SPECC1: variants seen among roughly 807,000 people sequenced by gnomAD.
SPECC1 encodes sperm antigen with calponin homology and coiled-coil domains 1.
In SPECC1, 62 loss-of-function variants were observed where a neutral mutation model predicts 104.1. The ratio of observed to expected loss-of-function variants is 0.60; its 90% CI spans 0.49 to 0.74. The LOEUF (loss-of-function observed/expected upper bound fraction) is 0.74. SPECC1 is among the 30% of genes least tolerant of loss of function. The probability of loss-of-function intolerance (pLI) is 0.00; values close to 1 mark genes in which losing one functional copy is unlikely to be tolerated. For synonymous variants in SPECC1, 513 were observed against 501.6 expected, an observed-to-expected ratio of 1.02 and a Z score of -0.30; for missense variants, 1,306 against 1,310.5, an observed-to-expected ratio of 1.00 and a Z score of 0.05.
intron 1 of SPECC1, among the ~76,000 whole-genome samples, chr17:20,092,965 G>T (rs1478126088): frequency 6.6e-6 from 1 of 152,156 alleles, no homozygotes; most frequent in Non-Finnish European, 1.5e-5. Context: ...AGGTGTGTAG[G>T]TTTTGGAACC....
chr17:20,094,704 T>G (rs7208365), intron 1 of SPECC1, among the ~76,000 whole-genome samples: 75,654 of 151,678 alleles, frequency 0.5, 19,436 homozygotes, highest in Middle Eastern at 0.6. Flanking sequence ...TAGAGAGAGG[T>G]TTTCACTCTG....
chr17:20,235,744 A>G (rs1368302290), intron 7 of SPECC1, among the ~76,000 whole-genome samples: 3 of 152,236 alleles, frequency 2.0e-5, no homozygotes, highest in Non-Finnish European at 4.4e-5. Context: ...TCCATGGAAA[A>G]CGTCTTTAAA....
intron 7 of SPECC1, among the ~76,000 whole-genome samples, chr17:20,239,580 T>C (rs1357257670): frequency 2.0e-5 from 3 of 152,250 alleles, no homozygotes; most frequent in African/African-American, 7.2e-5. Context: ...AACAAGGTTA[T>C]AATTTTTTTT....
chr17:20,085,450 T>G (rs1417438597), intron 1 of SPECC1, among the ~76,000 whole-genome samples: 1 of 152,218 alleles, frequency 6.6e-6, no homozygotes, highest in South Asian at 2.1e-4. Context: ...CTTGTAGACT[T>G]ACTCCTGTGC....
intron 3 of SPECC1, among the ~76,000 whole-genome samples, chr17:20,167,337 C>T (rs1422509451): frequency 6.6e-6 from 1 of 151,664 alleles, no homozygotes; most frequent in African/African-American, 2.4e-5. Context: ...AGAAATGAAA[C>T]ACTTGGACAG....
In SPECC1 at chr17:20,247,211, C is replaced by T; in HGVS notation, c.2498-8C>T. 1.2e-6 allele frequency: 2 copies of T among 1,601,792 alleles called. No individual in the cohort carries two copies. Among genetic ancestry groups the T allele is most frequent in the Non-Finnish European group, 1.7e-6 (2 of 1,173,904 alleles). ...ACATATAAATGTTCCCATGTTTTTT[C>T]TTGGCAGGTGGAGCTGGACAGAATA... On this transcript the variant is annotated splice_polypyrimidine_tract_variant and splice_region_variant and intron_variant, in intron 8 of 14. Coordinates refer to ENST00000395527, the MANE Select transcript of SPECC1 (RefSeq NM_001243439.2).
At chr17:20,031,571 A>G (rs1202094573) in intron 1 of SPECC1, among the ~76,000 whole-genome samples, 2 of 152,178 alleles carry the variant, frequency 1.3e-5, no homozygotes, top group Non-Finnish European at 2.9e-5. Flanking sequence ...GTATATTTGT[A>G]TTGTTGTACC....
chr17:20,015,179 T>C (rs2044070222), intron 1 of SPECC1, among the ~76,000 whole-genome samples: 1 of 152,244 alleles, frequency 6.6e-6, no homozygotes, highest in South Asian at 2.1e-4. Context: ...TCCTTGCCTC[T>C]ATTCTATTTT....
intron 7 of SPECC1, chr17:20,237,199 T>C: frequency 7.8e-7 from 1 of 1,285,382 alleles, no homozygotes; most frequent in Admixed American, 3.4e-5. Flanking sequence ...TTATGAAAAG[T>C]TATTTGCAGC....
intron 1 of SPECC1, 23 bp from the exon 2 acceptor site, chr17:20,096,608 T>C (rs2047656234): frequency 6.3e-7 from 1 of 1,581,434 alleles, no homozygotes. Flanking sequence ...GGAGACATGT[T>C]TTTCTTTTCT....
intron 2 of SPECC1, among the ~76,000 whole-genome samples, chr17:20,108,738 T>G (rs1041025163): frequency 6.6e-6 from 1 of 152,212 alleles, no homozygotes; most frequent in Non-Finnish European, 1.5e-5. Flanking sequence ...GTTCTAGTTT[T>G]GGGCTGCTAT....
chr17:20,240,362 G>T (rs765896929), intron 7 of SPECC1, among the ~76,000 whole-genome samples: 2 of 151,780 alleles, frequency 1.3e-5, no homozygotes, highest in African/African-American at 2.4e-5. Context: ...TAGGGATACG[G>T]TTGTATCCCC....
At position 20,144,175 on chromosome 17, in the gene SPECC1, C is replaced by CTTTTTT. The variant is rs1168474738; in HGVS notation, c.283+33635_283+33640dup. 6.8e-4 allele frequency among the ~76,000 whole-genome samples: 64 copies of CTTTTTT among 94,374 alleles called. 3 individuals are homozygous for CTTTTTT. Among genetic ancestry groups the CTTTTTT allele is most frequent in the East Asian group, 3.7e-3 (9 of 2,406 alleles). 61.9% of individuals were successfully genotyped at this position (94,374 alleles called of 152,430 possible). A position where few individuals can be genotyped will look rare whatever the true frequency, so the allele number is the denominator to read the frequency against. The stretch of plus-strand genomic sequence containing the variant: ...TTATTTAATACTGTTTTTTTCTTTT[C>CTTTTTT]TTTTTTTTTTTTTTTTTTTTTTTTT... On this transcript the variant is annotated intron_variant, in intron 3 of 14. Coordinates refer to ENST00000395527, the MANE Select transcript of SPECC1 (RefSeq NM_001243439.2).
chr17:20,069,043 A>T (rs951097794), intron 1 of SPECC1, among the ~76,000 whole-genome samples: 1 of 152,164 alleles, frequency 6.6e-6, no homozygotes, highest in Non-Finnish European at 1.5e-5. Flanking sequence ...GGGGTTTGTT[A>T]TACAGATTAT....
intron 3 of SPECC1, among the ~76,000 whole-genome samples, chr17:20,175,449 T>C (rs1400297627): frequency 1.3e-5 from 2 of 152,238 alleles, no homozygotes; most frequent in East Asian, 1.9e-4. Context: ...TTTCCTGTTA[T>C]ACTTGTATTG....
intron 1 of SPECC1, among the ~76,000 whole-genome samples, chr17:20,075,404 A>G (rs190521594): frequency 3.4e-3 from 523 of 152,298 alleles, no homozygotes; most frequent in African/African-American, 0.012. Flanking sequence ...TGGGAACTCA[A>G]GTCTGTCTCA....
chr17:20,198,498 C>T (rs1400634452), intron 3 of SPECC1, among the ~76,000 whole-genome samples: 1 of 152,238 alleles, frequency 6.6e-6, no homozygotes, highest in Admixed American at 6.5e-5. Context: ...AAAAGTTCCC[C>T]ATGTCCCATA....
At chr17:20,087,434 T>A (rs933371964) in intron 1 of SPECC1, among the ~76,000 whole-genome samples, 3 of 152,318 alleles carry the variant, frequency 2.0e-5, no homozygotes, top group Admixed American at 6.5e-5. Flanking sequence ...CTTTATTATT[T>A]TTTTTCAACC....
intron 2 of SPECC1, among the ~76,000 whole-genome samples, chr17:20,106,777 A>G (rs939064560): frequency 1.1e-4 from 16 of 152,204 alleles, no homozygotes; most frequent in Non-Finnish European, 1.5e-4. Flanking sequence ...TAAATTACCC[A>G]GTCTTGGGTA....
Sources: allele counts gnomAD v4.1 joint callset (sites outside exome capture counted in the v4.1 genomes callset), GRCh38; gene constraint gnomAD v4.1.1; transcripts MANE v1.5; gene names NCBI Gene and HGNC (gene_info 2026-07-23, HGNC 2026-07-21).